Variants in GLIS3 observed in about 807,000 individuals in gnomAD.
The protein encoded by GLIS3 is zinc finger protein GLIS3.
A neutral mutation model predicts 78.6 loss-of-function variants in GLIS3; 53 were observed. The ratio of observed to expected loss-of-function variants is 0.67; its 90% confidence interval spans 0.54 to 0.85. The LOEUF is 0.85. Among genes scored for constraint, GLIS3 ranks in the 40% least tolerant of loss-of-function variants. The pLI is 0.00. For missense variants in GLIS3, 1,703 were observed against 1,231.1 expected, an observed-to-expected ratio of 1.38 and a Z score of -5.74; for synonymous variants, 684 against 509.9, an observed-to-expected ratio of 1.34 and a Z score of -4.60.
chr9:3,906,637 G>T (rs1228531798), intron 6 of GLIS3, among the ~76,000 whole-genome samples: 1 of 152,096 alleles, frequency 6.6e-6, no homozygotes, highest in Non-Finnish European at 1.5e-5. Flanking sequence ...CGATGGGGCC[G>T]GACCACGAAT....
At chr9:4,228,640 A>G (rs1050994552) in intron 2 of GLIS3, among the ~76,000 whole-genome samples, 1 of 152,228 alleles carries the variant, frequency 6.6e-6, no homozygotes, top group African/African-American at 2.4e-5. Flanking sequence ...TTAATCCCCT[A>G]TGTATGCATG....
At chr9:4,367,563 T>A in the GLIS3 span, among the ~76,000 whole-genome samples, 3 of 139,984 alleles carry the variant, frequency 2.1e-5, no homozygotes, top group African/African-American at 8.2e-5. Context: ...GAACCCGGAA[T>A]GTGGAAGTAG....
chr9:4,008,786 G>A (rs1308223175), intron 4 of GLIS3, among the ~76,000 whole-genome samples: 1 of 152,176 alleles, frequency 6.6e-6, no homozygotes, highest in Admixed American at 6.5e-5. Flanking sequence ...GTGACATTTA[G>A]AGTTGAAAGA....
chr9:4,484,583 A>G, the GLIS3 span, among the ~76,000 whole-genome samples: 2 of 151,220 alleles, frequency 1.3e-5, no homozygotes, highest in African/African-American at 4.9e-5. Flanking sequence ...ACACCTGGCT[A>G]ATTTTTGTAT....
At chr9:4,340,836 T>C (rs555709790) in intron 2 of GLIS3, among the ~76,000 whole-genome samples, 4 of 152,268 alleles carry the variant, frequency 2.6e-5, no homozygotes, top group East Asian at 3.9e-4. Flanking sequence ...GCTAGGATTA[T>C]AGGTGTGGGT....
intron 8 of GLIS3, among the ~76,000 whole-genome samples, chr9:3,862,465 G>A (rs139612731): frequency 9.4e-4 from 143 of 152,136 alleles, no homozygotes; most frequent in African/African-American, 3.3e-3. Flanking sequence ...AACTTCTTTC[G>A]GGTAGGGCTC....
intron 2 of GLIS3, chr9:4,285,828 A>C: frequency 1.6e-6 from 1 of 615,546 alleles, no homozygotes; most frequent in Non-Finnish European, 2.9e-6. Context: ...GTCCCAGGAG[A>C]TGTCTCATAC....
intron 4 of GLIS3, among the ~76,000 whole-genome samples, chr9:3,983,115 G>A (rs919152441): frequency 6.6e-6 from 1 of 152,172 alleles, no homozygotes; most frequent in Non-Finnish European, 1.5e-5. Context: ...GGAACATGGT[G>A]AGAGGTGACT....
At chr9:4,370,468 A>G in the GLIS3 span, among the ~76,000 whole-genome samples, 2 of 151,998 alleles carry the variant, frequency 1.3e-5, no homozygotes, top group South Asian at 4.1e-4. Flanking sequence ...CACTTAGTTA[A>G]ATCTCCTTAA....
intron 6 of GLIS3, among the ~76,000 whole-genome samples, chr9:3,924,348 C>A (rs1825083420): frequency 6.6e-6 from 1 of 152,168 alleles, no homozygotes; most frequent in Non-Finnish European, 1.5e-5. Flanking sequence ...CTTCTGGGGC[C>A]CCATGTTTGC....
chr9:4,148,592 G>T (rs1232111826), intron 2 of GLIS3, among the ~76,000 whole-genome samples: 2 of 151,766 alleles, frequency 1.3e-5, no homozygotes, highest in Admixed American at 6.6e-5. Flanking sequence ...TGAGGACAGG[G>T]ACTGTACCTA....
At chr9:3,845,637 A>T (rs1818982632) in intron 9 of GLIS3, among the ~76,000 whole-genome samples, 1 of 152,232 alleles carries the variant, frequency 6.6e-6, no homozygotes, top group Admixed American at 6.5e-5. Context: ...TTGTTGATTT[A>T]TAATAGTAAT....
the GLIS3 span, among the ~76,000 whole-genome samples, chr9:4,401,594 G>T: frequency 2.3e-5 from 3 of 131,968 alleles, no homozygotes; most frequent in African/African-American, 9.4e-5. Context: ...TTGCAACAGA[G>T]TCTCACTCTG....
intron 2 of GLIS3, among the ~76,000 whole-genome samples, chr9:4,180,844 G>C (rs1484515212): frequency 2.0e-5 from 3 of 152,114 alleles, no homozygotes; most frequent in African/African-American, 7.2e-5. Context: ...TCTCAAACTG[G>C]TTTTGCTCCG....
At chr9:3,985,762 T>C (rs1819693458) in intron 4 of GLIS3, among the ~76,000 whole-genome samples, 1 of 152,264 alleles carries the variant, frequency 6.6e-6, no homozygotes, top group South Asian at 2.1e-4. Flanking sequence ...TTTTCTCATA[T>C]GCAACATTCA....
chr9:3,907,224 G>A (rs1823771547), intron 6 of GLIS3, among the ~76,000 whole-genome samples: 1 of 152,146 alleles, frequency 6.6e-6, no homozygotes, highest in Admixed American at 6.5e-5. Flanking sequence ...GTCCACGAGG[G>A]CTAGGCTGAC....
chr9:4,061,019 C>T (rs1316962007), intron 4 of GLIS3, among the ~76,000 whole-genome samples: 1 of 152,094 alleles, frequency 6.6e-6, no homozygotes, highest in African/African-American at 2.4e-5. Context: ...TCTTCTGGTT[C>T]AGTTACACTT....
chr9:4,358,077 A>C, the GLIS3 span, among the ~76,000 whole-genome samples: 1 of 152,194 alleles, frequency 6.6e-6, no homozygotes, highest in Non-Finnish European at 1.5e-5. Flanking sequence ...ACAAGGGCAG[A>C]ACAGTGTGTA....
At chr9:4,152,167 C>T (rs1834734645) in intron 2 of GLIS3, 5 of 975,428 alleles carry the variant, frequency 5.1e-6, no homozygotes, top group Non-Finnish European at 6.1e-6. Flanking sequence ...CTCCAACACC[C>T]TTCAACCATA....
Sources: allele counts gnomAD v4.1 joint callset (sites outside exome capture counted in the v4.1 genomes callset), GRCh38; gene constraint gnomAD v4.1.1; transcripts MANE v1.5; gene names NCBI Gene and HGNC (gene_info 2026-07-23, HGNC 2026-07-21).